Variants in TAB2 observed in about 807,000 individuals in gnomAD.
TAB2 encodes the protein TGF-beta-activated kinase 1 and MAP3K7-binding protein 2.
In TAB2, 3 loss-of-function variants were observed where a neutral mutation model predicts 65.0. That is an observed-to-expected ratio of 0.05 (90% CI 0.02 to 0.12). The LOEUF is 0.12. TAB2 is among the 10% of genes least tolerant of loss of function. The pLI is 1.00. For missense variants in TAB2, 623 were observed against 840.3 expected (o/e 0.74, Z 3.20); for synonymous variants, 298 against 285.1 (o/e 1.05, Z -0.46).
intron 1 of TAB2, among the ~76,000 whole-genome samples, chr6:149,266,078 CAGT>C (rs1562393605): frequency 6.6e-6 from 1 of 152,186 alleles, no homozygotes; most frequent in Non-Finnish European, 1.5e-5. Flanking sequence ...TATTAGCTTT[CAGT>C]ATAAGTCACC....
chr6:149,249,177 C>T (rs1467983111), intron 1 of TAB2, among the ~76,000 whole-genome samples: 5 of 151,722 alleles, frequency 3.3e-5, no homozygotes, highest in Admixed American at 3.3e-4. Context: ...CACGCACACA[C>T]ACACACACAG....
chr6:149,294,923 A>G (rs1289318233), intron 1 of TAB2, among the ~76,000 whole-genome samples: 1 of 152,254 alleles, frequency 6.6e-6, no homozygotes, highest in African/African-American at 2.4e-5. Flanking sequence ...TTATGAAAAT[A>G]TAAGGCTGTT....
At chr6:149,278,301 T>C (rs1393291384) in intron 1 of TAB2, among the ~76,000 whole-genome samples, 3 of 152,194 alleles carry the variant, frequency 2.0e-5, no homozygotes, top group Non-Finnish European at 4.4e-5. Context: ...TTCAAATTTG[T>C]AAAGAAATTT....
chr6:149,274,027 C>T (rs1203404411), intron 1 of TAB2, among the ~76,000 whole-genome samples: 3 of 152,246 alleles, frequency 2.0e-5, no homozygotes, highest in African/African-American at 7.2e-5. Flanking sequence ...TAATTTTATT[C>T]TTCTACCTCA....
intron 1 of TAB2, among the ~76,000 whole-genome samples, chr6:149,282,027 A>G (rs2114686288): frequency 6.6e-6 from 1 of 152,310 alleles, no homozygotes; most frequent in East Asian, 1.9e-4. Context: ...GATCGCAGGC[A>G]TGATGGCAGG....
chr6:149,357,427 A>AAAAAAAC (rs1780693911), intron 1 of TAB2, among the ~76,000 whole-genome samples: 1 of 136,162 alleles, frequency 7.3e-6, no homozygotes, highest in Non-Finnish European at 1.5e-5. Context: ...AGGAGAAAAA[A>AAAAAAAC]AAAACACACA....
intron 1 of TAB2, among the ~76,000 whole-genome samples, chr6:149,362,163 G>T (rs917008724): frequency 2.0e-5 from 3 of 152,112 alleles, no homozygotes; most frequent in Non-Finnish European, 2.9e-5. Context: ...TTATAGTAGT[G>T]CCCCATTCCC....
chr6:149,398,134 CAG>C, intron 5 of TAB2, 72 bp downstream of exon 5: 1 of 1,219,958 alleles, frequency 8.2e-7, no homozygotes, highest in South Asian at 1.3e-5. Context: ...TGGCTAAAAA[CAG>C]ACTTATCAAT....
chr6:149,235,621 G>A (rs535338886), intron 1 of TAB2, among the ~76,000 whole-genome samples: 6 of 152,308 alleles, frequency 3.9e-5, no homozygotes, highest in Non-Finnish European at 8.8e-5. Flanking sequence ...CAGACTGGGG[G>A]TCCACAAGAA....
chr6:149,279,499 C>T (rs1039506047), intron 1 of TAB2, among the ~76,000 whole-genome samples: 4 of 152,126 alleles, frequency 2.6e-5, no homozygotes, highest in African/African-American at 7.2e-5. Context: ...TTCAAGGGGA[C>T]ACGTGGCAAT....
rs1202836689 is a variant in TAB2 at position 149,297,080 on chromosome 6, TCTC to T, written c.-121+78312_-121+78314del. Among the ~76,000 whole-genome samples the T allele has an allele frequency of 6.6e-5, 10 of 152,058 alleles. No individual in the cohort carries two copies. The South Asian group carries it at 1.5e-3, about 22-fold the overall frequency. On this transcript the variant is annotated intron_variant, in intron 1 of 1. Coordinates refer to the TAB2 transcript ENST00000606202. Reference sequence around the variant, plus strand: ...TCTCTATCTCTCTCTCTCTCTTTCTTCTCCTCCTCCCTCCTTCCTTCCCTCTCT... The same window carrying T: ...TCTCTATCTCTCTCTCTCTCTTTCTTCTCCTCCCTCCTTCCTTCCCTCTCT...
intron 1 of TAB2, among the ~76,000 whole-genome samples, chr6:149,239,858 T>TAGAC (rs1434916024): frequency 2.6e-5 from 4 of 152,204 alleles, no homozygotes; most frequent in African/African-American, 9.6e-5. Context: ...GATAGCCTAG[T>TAGAC]AGACAGTGTG....
intron 1 of TAB2, among the ~76,000 whole-genome samples, chr6:149,273,251 C>T (rs914094033): frequency 6.6e-6 from 1 of 152,112 alleles, no homozygotes; most frequent in Non-Finnish European, 1.5e-5. Flanking sequence ...GAATGGCATC[C>T]TTAGATGGTG....
chr6:149,365,407 G>A (rs1781006956), intron 1 of TAB2, among the ~76,000 whole-genome samples: 1 of 152,136 alleles, frequency 6.6e-6, no homozygotes, highest in African/African-American at 2.4e-5. Flanking sequence ...GCTGTTTGTA[G>A]TATGTGGGTT....
chr6:149,403,303 T>TAA (rs1554265436), intron 6 of TAB2, among the ~76,000 whole-genome samples: 1 of 68,044 alleles, frequency 1.5e-5, no homozygotes, highest in African/African-American at 6.1e-5. Context: ...CACATATATA[T>TAA]ATATATATAT....
intron 1 of TAB2, among the ~76,000 whole-genome samples, chr6:149,328,378 C>T (rs1325334148): frequency 6.6e-6 from 1 of 152,086 alleles, no homozygotes; most frequent in Non-Finnish European, 1.5e-5. Flanking sequence ...GTGCAACCTC[C>T]ACCTCCCAGG....
chr6:149,326,552 ATT>A (rs11309696), intron 1 of TAB2, among the ~76,000 whole-genome samples: 40,819 of 141,644 alleles, frequency 0.29, 5,855 homozygotes, highest in African/African-American at 0.36. Flanking sequence ...TTTTGTTATT[ATT>A]TTTTTTTTTT....
intron 1 of TAB2, among the ~76,000 whole-genome samples, chr6:149,340,685 G>A (rs905158099): frequency 2.6e-5 from 4 of 152,156 alleles, no homozygotes; most frequent in East Asian, 3.9e-4. Flanking sequence ...ATGAGTTACT[G>A]AATGGAAATC....
intron 1 of TAB2, among the ~76,000 whole-genome samples, chr6:149,225,345 CG>C (rs1467910174): frequency 2.7e-5 from 4 of 148,602 alleles, no homozygotes; most frequent in Non-Finnish European, 5.9e-5. Flanking sequence ...ACTTGACTAG[CG>C]GGGGAAAGAA....
Sources: allele counts gnomAD v4.1 joint callset (sites outside exome capture counted in the v4.1 genomes callset), GRCh38; gene constraint gnomAD v4.1.1; transcripts MANE v1.5; gene names NCBI Gene and HGNC (gene_info 2026-07-23, HGNC 2026-07-21).